Variants in REEP1 observed in about 807,000 individuals in gnomAD.
The protein encoded by REEP1 is receptor accessory protein 1, also known as receptor expression-enhancing protein 1.
In REEP1, 22 loss-of-function variants were observed where a neutral mutation model predicts 40.3. The ratio of observed to expected loss-of-function variants is 0.55; its 90% CI spans 0.39 to 0.78. The LOEUF is 0.78. Ranked by LOEUF, REEP1 falls within the 30% of genes least tolerant of loss-of-function variation. The pLI is 0.00. For missense variants in REEP1, 280 were observed against 361.1 expected (o/e 0.78, Z 1.82); for synonymous variants, 116 against 139.2 (o/e 0.83, Z 1.17).
chr2:86,266,515 A>C (rs1033637931), intron 2 of REEP1, among the ~76,000 whole-genome samples: 1 of 151,542 alleles, frequency 6.6e-6, no homozygotes. Context: ...GCTACTCGGG[A>C]GGCTGAGGCA....
intron 7 of REEP1, among the ~76,000 whole-genome samples, chr2:86,224,314 C>T (rs1401197226): frequency 6.6e-6 from 1 of 152,208 alleles, no homozygotes; most frequent in Admixed American, 6.5e-5. Flanking sequence ...GTGTCCCCGA[C>T]AACTGTGAAA....
chr2:86,270,177 T>G (rs1487690693), intron 2 of REEP1, among the ~76,000 whole-genome samples: 2 of 36,414 alleles, frequency 5.5e-5, no homozygotes, highest in Non-Finnish European at 1.1e-4. Flanking sequence ...TTTCTTTTGT[T>G]TGTTTGTTTG....
chr2:86,317,206 AAAAG>A (rs909009124), intron 1 of REEP1, among the ~76,000 whole-genome samples: 10 of 152,210 alleles, frequency 6.6e-5, no homozygotes, highest in Non-Finnish European at 1.0e-4. Context: ...TAGGTTGGTC[AAAAG>A]ACATAACAGC....
At chr2:86,288,043 A>G (rs1436262741) in intron 1 of REEP1, among the ~76,000 whole-genome samples, 1 of 141,434 alleles carries the variant, frequency 7.1e-6, no homozygotes, top group Non-Finnish European at 1.5e-5. Flanking sequence ...TTTTTTTGAG[A>G]TGGAGTCTCG....
upstream of REEP1, chr2:86,337,983 T>A: frequency 6.6e-7 from 1 of 1,513,780 alleles, no homozygotes; most frequent in Non-Finnish European, 8.9e-7. The surrounding 1 kb of genome is among the most constrained non-coding windows in gnomAD (Gnocchi z 5.8). Flanking sequence ...GATGCTGTCA[T>A]CCCTCATTCA....
At chr2:86,266,487 C>A (rs1014315520) in intron 2 of REEP1, among the ~76,000 whole-genome samples, 10 of 150,314 alleles carry the variant, frequency 6.7e-5, no homozygotes, top group Admixed American at 6.6e-4. Context: ...GGCGCGGTGG[C>A]CGGCGCCTGT....
chr2:86,303,259 C>T (rs548265527), intron 1 of REEP1, among the ~76,000 whole-genome samples: 47 of 139,620 alleles, frequency 3.4e-4, no homozygotes, highest in African/African-American at 1.1e-3. Context: ...CTCTGTTGCC[C>T]AGGCTGGAGT....
chr2:86,263,022 T>G (rs1404973928), intron 3 of REEP1, among the ~76,000 whole-genome samples: 2 of 152,240 alleles, frequency 1.3e-5, no homozygotes, highest in African/African-American at 2.4e-5. Flanking sequence ...CAAAAGGGGA[T>G]GACAAATAAA....
intron 5 of REEP1, chr2:86,251,586 C>T: frequency 3.0e-6 from 1 of 333,672 alleles, no homozygotes; most frequent in Non-Finnish European, 5.8e-6. Context: ...CAGAGAAGCA[C>T]TCTCTCCCTC....
At chr2:86,253,400 T>A (rs1020695422) in intron 4 of REEP1, among the ~76,000 whole-genome samples, 2 of 152,080 alleles carry the variant, frequency 1.3e-5, no homozygotes, top group Non-Finnish European at 2.9e-5. Context: ...TGCTTTGAGG[T>A]GTGCAAGTGG....
intron 5 of REEP1, among the ~76,000 whole-genome samples, chr2:86,243,626 C>G (rs1675784675): frequency 6.6e-6 from 1 of 152,178 alleles, no homozygotes; most frequent in South Asian, 2.1e-4. Context: ...GGTAAAAAGT[C>G]TTGCTTGGTT....
intron 2 of REEP1, among the ~76,000 whole-genome samples, chr2:86,266,035 T>C (rs577453071): frequency 3.9e-5 from 6 of 152,142 alleles, no homozygotes; most frequent in African/African-American, 7.2e-5. Flanking sequence ...CGTGAGGGAA[T>C]AGGAAAATAT....
chr2:86,286,435 T>C (rs963224076), intron 1 of REEP1, among the ~76,000 whole-genome samples: 3 of 152,186 alleles, frequency 2.0e-5, no homozygotes, highest in Non-Finnish European at 4.4e-5. Context: ...ATTGTGCCAC[T>C]GCTGAGAAAC....
chr2:86,317,131 C>T (rs561589028), intron 1 of REEP1, among the ~76,000 whole-genome samples: 22 of 152,074 alleles, frequency 1.4e-4, no homozygotes, highest in African/African-American at 3.1e-4. Flanking sequence ...AGGATGAGTC[C>T]GACACATGCA....
In REEP1 at chr2:86,232,797, C is replaced by A; in HGVS notation, c.423G>T (p.Gln141His). The A allele has an allele frequency of 6.2e-7, 1 of 1,600,792 alleles. No individual in the cohort carries two copies. Among genetic ancestry groups the A allele is most frequent in the Non-Finnish European group, 8.5e-7 (1 of 1,179,894 alleles). ...TAAVMAASKG[Q>H]GALSERLRSF... is the part of the protein sequence containing the mutation. The stretch of plus-strand genomic sequence containing the variant: ...TCCGCAGTCTCTCCGATAAGGCACC[C>A]TGTCCCTGGATACAACACAGGAGGG... The change falls in exon 6 of 9, where the codon CAG becomes CAT. Residue 141 changes from glutamine (Q) to histidine (H), a missense_variant. Around this residue, in one of 3 missense-constraint regions of REEP1, gnomAD observed 201 missense variants for 238.5 expected, o/e 0.84. Transcript: ENST00000538924.
intron 1 of REEP1, among the ~76,000 whole-genome samples, chr2:86,293,701 C>T (rs894261803): frequency 2.6e-5 from 4 of 152,236 alleles, no homozygotes; most frequent in Non-Finnish European, 4.4e-5. Flanking sequence ...GAGGCTGCAT[C>T]GCTTCTGTTT....
intron 1 of REEP1, among the ~76,000 whole-genome samples, chr2:86,333,752 C>A (rs900887153): frequency 1.3e-5 from 2 of 152,206 alleles, no homozygotes; most frequent in African/African-American, 4.8e-5. Flanking sequence ...CATGCCTAGG[C>A]CTTGAGTTGT....
At chr2:86,320,754 TGAG>T in intron 1 of REEP1, among the ~76,000 whole-genome samples, 1 of 152,326 alleles carries the variant, frequency 6.6e-6, no homozygotes, top group Non-Finnish European at 1.5e-5. Flanking sequence ...TAGACATGGC[TGAG>T]GAGACAGATG....
chr2:86,259,704 T>TAA (rs994108113), intron 3 of REEP1, among the ~76,000 whole-genome samples: 1 of 148,576 alleles, frequency 6.7e-6, no homozygotes, highest in Non-Finnish European at 1.5e-5. Context: ...ATTTTATAAC[T>TAA]AAAAAAAAAA....
Sources: gnomAD v4.1 joint callset for allele counts (sites outside exome capture counted in the v4.1 genomes callset) on GRCh38, gnomAD v4.1.1 for gene constraint, gnomAD v4.1.1 regional missense constraint, Gnocchi (gnomAD v3.1) non-coding constraint, MANE v1.5 for transcripts, NCBI Gene and HGNC (gene_info 2026-07-23, HGNC 2026-07-21) for gene names.